BTBD8: variants seen among roughly 807,000 people sequenced by gnomAD.
The protein encoded by BTBD8 is BTB domain containing 8, also known as BTB/POZ domain-containing protein 8.
Under a neutral mutation model 162.9 loss-of-function variants are expected in BTBD8, and 110 were observed. The ratio of observed to expected loss-of-function variants is 0.68; its 90% CI spans 0.58 to 0.79. The LOEUF (loss-of-function observed/expected upper bound fraction) is 0.79, where lower values mean the gene tolerates loss of function less well. Ranked by LOEUF, BTBD8 falls within the 30% of genes least tolerant of loss-of-function variation. BTBD8 has a pLI of 0.00. For missense variants in BTBD8, 1,905 were observed against 2,085.4 expected (o/e 0.91, Z 1.68); for synonymous variants, 667 against 716.1 (o/e 0.93, Z 1.10).
intron 9 of BTBD8, among the ~76,000 whole-genome samples, chr1:92,161,711 G>C (rs1429326097): frequency 2.6e-5 from 4 of 152,142 alleles, no homozygotes. Flanking sequence ...TTTTCACTGT[G>C]TTAGTAAGAG....
chr1:92,180,681 G>A lies in BTBD8; in HGVS notation c.2998G>A (p.Asp1000Asn), dbSNP rs374564466. ...CATTAATCTTGCATCTGAAATAAGT[G>A]ATGCAGAAGCACTCCAGTCATCCTG... ...PLINLASEIS[D>N]AEALQSSCRP... The change falls in exon 17 of 18, where the codon GAT (aspartate) becomes AAT (asparagine). Residue 1000 changes from aspartate to asparagine, a missense_variant. Around this residue, in one of 3 missense-constraint regions of BTBD8, gnomAD observed 1,374 missense variants for 1,442.7 expected, o/e 0.95. Transcript: ENST00000636805. The A allele has an allele frequency of 4.1e-5, 63 of 1,551,410 alleles. No homozygotes were observed. The African/African-American group carries it at 7.2e-4, about 18-fold the overall frequency.
chr1:92,089,314 T>C (rs778591210), intron 2 of BTBD8, among the ~76,000 whole-genome samples: 3 of 152,174 alleles, frequency 2.0e-5, no homozygotes, highest in Non-Finnish European at 4.4e-5. Context: ...GACCGAAATG[T>C]CTCCAGACAT....
At chr1:92,090,960 T>G (rs1169294985) in intron 2 of BTBD8, among the ~76,000 whole-genome samples, 1 of 152,220 alleles carries the variant, frequency 6.6e-6, no homozygotes, top group Non-Finnish European at 1.5e-5. Flanking sequence ...TTATGTAGTC[T>G]AGCTTATGTA....
intron 4 of BTBD8, among the ~76,000 whole-genome samples, chr1:92,110,276 A>G (rs1292002269): frequency 2.0e-5 from 3 of 152,204 alleles, no homozygotes; most frequent in Non-Finnish European, 2.9e-5. Flanking sequence ...GACAATCTGC[A>G]TGCGTTTTAA....
chr1:92,145,199 T>C (rs1285223588), intron 7 of BTBD8, among the ~76,000 whole-genome samples: 1 of 152,190 alleles, frequency 6.6e-6, no homozygotes, highest in Non-Finnish European at 1.5e-5. Context: ...CTTGACCTCA[T>C]GTAATCCACC....
At chr1:92,179,381 G>A (rs1258646965) in intron 16 of BTBD8, among the ~76,000 whole-genome samples, 1 of 152,148 alleles carries the variant, frequency 6.6e-6, no homozygotes. Flanking sequence ...AAAGAGTACT[G>A]ATCAGATTGC....
intron 2 of BTBD8, among the ~76,000 whole-genome samples, 179 bp from the exon 3 acceptor site, chr1:92,102,294 C>G (rs928896456): frequency 1.3e-5 from 2 of 152,172 alleles, no homozygotes; most frequent in African/African-American, 4.8e-5. Flanking sequence ...GCTGGGATTA[C>G]AGGTGTGAAC....
intron 2 of BTBD8, among the ~76,000 whole-genome samples, chr1:92,098,884 G>T (rs1178781962): frequency 2.0e-5 from 3 of 152,052 alleles, no homozygotes; most frequent in Non-Finnish European, 2.9e-5. Flanking sequence ...CTCTTTTAGG[G>T]TATTCTGGAA....
intron 4 of BTBD8, among the ~76,000 whole-genome samples, chr1:92,118,282 CTTTT>C (rs3040583): frequency 0.59 from 72,195 of 122,076 alleles, 19,498 homozygotes; most frequent in East Asian, 0.86. Context: ...TTCAGACTTT[CTTTT>C]TTTTTTTTTT....
intron 9 of BTBD8, among the ~76,000 whole-genome samples, chr1:92,156,263 A>G (rs1570748766): frequency 6.6e-6 from 1 of 152,316 alleles, no homozygotes; most frequent in South Asian, 2.1e-4. Context: ...TATCCTAGGA[A>G]TAAATACCAC....
At chr1:92,126,013 G>T in intron 4 of BTBD8, 1 of 468,258 alleles carries the variant, frequency 2.1e-6, no homozygotes. Context: ...AACCGAGGCA[G>T]CTGTAGAAGA....
At chr1:92,152,640 G>A (rs1169742969) in intron 9 of BTBD8, among the ~76,000 whole-genome samples, 2 of 152,064 alleles carry the variant, frequency 1.3e-5, no homozygotes, top group Non-Finnish European at 2.9e-5. Context: ...TTTTAGCTGA[G>A]TATCTTGTTA....
chr1:92,166,994 G>T lies in BTBD8; in HGVS notation c.1159G>T (p.Asp387Tyr). 1 of 1,549,744 alleles carries T rather than the reference G, an allele frequency of 6.5e-7. No homozygotes were observed. The highest frequency in any genetic ancestry group is 8.7e-7 in the Non-Finnish European group (1 of 1,146,652). The change falls in exon 10 of 18, where the codon GAC becomes TAC. Residue 387 changes from aspartate to tyrosine, a missense_variant. By Grantham distance (160) the Asp-to-Tyr change is radical. Coordinates refer to ENST00000636805, the MANE Select transcript of BTBD8 (RefSeq NM_001376131.1). ...TGCTGCTTTTCTTCTGATGGAAAGTGACAGGCTAATCATCAGTTTACCCAG... is the reference window on the plus strand; with the variant it reads ...TGCTGCTTTTCTTCTGATGGAAAGTTACAGGCTAATCATCAGTTTACCCAG... ...KNAAFLLMES[D>Y]RLIISLPRVK...
At position 92,184,157 on chromosome 1, in the gene BTBD8, G is replaced by A; in HGVS notation, c.5206G>A (p.Ala1736Thr). ...TCTAATCAATCAGACACTACTTTTA[G>A]CACGAGATAGCTCAAAACCTCAGGG... ...QYLINQTLLL[A>T]RDSSKPQGIT... Residue 1736 changes from alanine to threonine, a missense_variant, in exon 18 of 18, where the codon GCA (alanine) becomes ACA (threonine). Ala to Thr is a moderately conservative substitution (Grantham distance 58). Transcript: ENST00000636805. The A allele has an allele frequency of 6.4e-7, 1 of 1,551,564 alleles. No individual in the cohort carries two copies.
intron 4 of BTBD8, among the ~76,000 whole-genome samples, chr1:92,123,776 CAAAA>C (rs529220915): frequency 1.2e-5 from 1 of 84,494 alleles, no homozygotes; most frequent in Admixed American, 1.6e-4. Flanking sequence ...GACTCCGTCT[CAAAA>C]AAAAAAAAAA....
At chr1:92,095,673 A>G (rs74379357) in intron 2 of BTBD8, among the ~76,000 whole-genome samples, 2,923 of 152,188 alleles carry the variant, frequency 0.019, 112 homozygotes, top group African/African-American at 0.067. Context: ...ACTATTGTCA[A>G]TTTTCCTAAG....
intron 12 of BTBD8, among the ~76,000 whole-genome samples, 164 bp from the exon 13 acceptor site, chr1:92,171,235 C>A (rs539320345): frequency 6.6e-6 from 1 of 151,986 alleles, no homozygotes; most frequent in South Asian, 2.1e-4. Context: ...TAAAAAAATT[C>A]TAAAATATAA....
Position 92,182,562 on chromosome 1 carries a change from A to C in BTBD8, c.4879A>C (p.Thr1627Pro). 1 of 1,514,040 alleles carries C rather than the reference A, an allele frequency of 6.6e-7. No homozygotes were observed. The highest frequency in any genetic ancestry group is 8.8e-7 in the Non-Finnish European group (1 of 1,135,132). 93.8% of individuals were successfully genotyped at this position (1,514,040 alleles called of 1,614,324 possible). Reference protein sequence around the residue: ...EGPVKESHSTTTEKANIALSA... With the variant: ...EGPVKESHSTPTEKANIALSA... Reference sequence around the variant, plus strand: ...TCCAGTGAAAGAGAGCCATTCTACAACTACTGAAAAAGCTAATATTGCTTT... The same window carrying C: ...TCCAGTGAAAGAGAGCCATTCTACACCTACTGAAAAAGCTAATATTGCTTT... Residue 1627 changes from threonine (T) to proline (P), a missense_variant, in exon 17 of 18, where the codon ACT (threonine) becomes CCT (proline). By Grantham distance (38) the Thr-to-Pro change is conservative (BLOSUM62 -1). Coordinates refer to ENST00000636805, the MANE Select transcript of BTBD8 (RefSeq NM_001376131.1).
At chr1:92,104,988 G>A (rs574075021) in intron 3 of BTBD8, among the ~76,000 whole-genome samples, 4 of 150,484 alleles carry the variant, frequency 2.7e-5, no homozygotes, top group African/African-American at 9.8e-5. Context: ...CTGGAGTGCC[G>A]TGGCACAAAT....
Sources: allele counts gnomAD v4.1 joint callset (sites outside exome capture counted in the v4.1 genomes callset), GRCh38; gene constraint gnomAD v4.1.1; regional missense constraint gnomAD v4.1.1; transcripts MANE v1.5; gene names NCBI Gene and HGNC (gene_info 2026-07-23, HGNC 2026-07-21).